The following PIKFYVE variants were observed in gnomAD, a reference collection of about 807,000 sequenced individuals.
The protein encoded by PIKFYVE is 1-phosphatidylinositol 3-phosphate 5-kinase.
In PIKFYVE, 122 loss-of-function variants were observed where a neutral mutation model predicts 257.9. The observed-to-expected ratio is 0.47, with a 90% CI of 0.41 to 0.55. The LOEUF (loss-of-function observed/expected upper bound fraction) is 0.55. Among genes scored for constraint, PIKFYVE ranks in the 20% least tolerant of loss-of-function variants. The pLI is 0.00. For synonymous variants in PIKFYVE, 892 were observed against 868.9 expected, an observed-to-expected ratio of 1.03 and a Z score of -0.47; for missense variants, 2,160 against 2,536.6, an observed-to-expected ratio of 0.85 and a Z score of 3.19.
chr2:208,291,304 A>T (rs560977955), intron 7 of PIKFYVE, among the ~76,000 whole-genome samples: 12 of 152,210 alleles, frequency 7.9e-5, no homozygotes, highest in Non-Finnish European at 4.4e-5. Flanking sequence ...ATATTAATTG[A>T]TTTTTGAATG....
chr2:208,346,216 C>T, intron 34 of PIKFYVE, 69 bp downstream of exon 34: 4 of 1,252,888 alleles, frequency 3.2e-6, no homozygotes, highest in South Asian at 2.5e-5. Context: ...AAAGAAAATA[C>T]ATAAAAACAA....
chr2:208,277,981 A>C (rs560779078), intron 5 of PIKFYVE, among the ~76,000 whole-genome samples: 2 of 152,226 alleles, frequency 1.3e-5, no homozygotes, highest in Non-Finnish European at 2.9e-5. Context: ...CAAGATCGTT[A>C]GAGTAGATTA....
intron 32 of PIKFYVE, among the ~76,000 whole-genome samples, chr2:208,344,675 G>GT (rs991690734): frequency 0.012 from 1,766 of 142,582 alleles, 32 homozygotes; most frequent in African/African-American, 0.039. Context: ...TAAGAGTCAG[G>GT]TTTTTTTTTT....
intron 20 of PIKFYVE, among the ~76,000 whole-genome samples, chr2:208,326,978 A>G (rs1282970881): frequency 6.6e-6 from 1 of 152,210 alleles, no homozygotes; most frequent in East Asian, 1.9e-4. Flanking sequence ...AATGGTAGCA[A>G]TAAAACTAAT....
At chr2:208,329,367 A>G (rs1398498476) in intron 21 of PIKFYVE, among the ~76,000 whole-genome samples, 1 of 152,176 alleles carries the variant, frequency 6.6e-6, no homozygotes, top group Non-Finnish European at 1.5e-5. Context: ...AGGCTTGAAT[A>G]AGATGTGGAT....
In PIKFYVE at chr2:208,326,295, A is replaced by G; in HGVS notation, c.3484A>G (p.Ile1162Val). The G allele has an allele frequency of 6.2e-7, 1 of 1,602,572 alleles. No individual in the cohort carries two copies. The highest frequency in any genetic ancestry group is 8.5e-7 in the Non-Finnish European group (1 of 1,173,950). Residue 1162 changes from isoleucine to valine, a missense_variant, in exon 20 of 42, where the codon ATT (isoleucine) becomes GTT (valine). Ile to Val is a conservative substitution (Grantham distance 29, BLOSUM62 3). Around this residue, in one of 12 missense-constraint regions of PIKFYVE, gnomAD observed 522 missense variants for 514.6 expected, o/e 1.01. Transcript: ENST00000264380. ...CGATTATCGAGCCAGAGGAGGAAGA[A>G]TTCAGCCCAAAAATTCAGACCCTTT... ...LADYRARGGR[I>V]QPKNSDPFAH...
chr2:208,267,949 T>G (rs552674714), intron 1 of PIKFYVE, among the ~76,000 whole-genome samples: 28 of 152,322 alleles, frequency 1.8e-4, no homozygotes, highest in African/African-American at 6.3e-4. Flanking sequence ...CGGCCTTTAC[T>G]GACTGGCTTC....
intron 5 of PIKFYVE, among the ~76,000 whole-genome samples, chr2:208,278,097 C>T (rs1030879): frequency 0.98 from 149,852 of 152,292 alleles, 73,764 homozygotes; most frequent in East Asian, 1. Flanking sequence ...ACTCAGATTC[C>T]TCCATAAGGA....
At chr2:208,339,889 A>T in intron 30 of PIKFYVE, 122 bp from the exon 31 acceptor site, 1 of 1,178,000 alleles carries the variant, frequency 8.5e-7, no homozygotes, top group Non-Finnish European at 1.2e-6. Flanking sequence ...CAGAAATTTT[A>T]AACTGTTATT....
chr2:208,267,671 T>C (rs1688835597), intron 1 of PIKFYVE, among the ~76,000 whole-genome samples: 2 of 151,702 alleles, frequency 1.3e-5, no homozygotes, highest in Admixed American at 1.3e-4. Context: ...CACACTCGGC[T>C]AATTTTTGTA....
chr2:208,332,921 T>C (rs1697713423), intron 23 of PIKFYVE, among the ~76,000 whole-genome samples: 2 of 152,108 alleles, frequency 1.3e-5, no homozygotes, highest in Non-Finnish European at 2.9e-5. Context: ...GCAGTCAGTA[T>C]ATATTACGTT....
chr2:208,268,189 G>A (rs1688921635), intron 1 of PIKFYVE, among the ~76,000 whole-genome samples: 1 of 152,102 alleles, frequency 6.6e-6, no homozygotes, highest in Non-Finnish European at 1.5e-5. Context: ...TTAACTATAT[G>A]ATTGGGTTTA....
At chr2:208,337,726 A>T (rs1559153366) in intron 28 of PIKFYVE, among the ~76,000 whole-genome samples, 1 of 148,186 alleles carries the variant, frequency 6.7e-6, no homozygotes, top group Non-Finnish European at 1.5e-5. Flanking sequence ...CTCTGCAAAA[A>T]TTTTTTTTTT....
intron 12 of PIKFYVE, among the ~76,000 whole-genome samples, chr2:208,311,031 C>G (rs919102668): frequency 1.3e-5 from 2 of 151,986 alleles, no homozygotes; most frequent in African/African-American, 4.8e-5. Flanking sequence ...TTTGAATGAT[C>G]GGGGGGAAGA....
chr2:208,347,862 A>G lies in PIKFYVE; in HGVS notation c.5213A>G (p.Lys1738Arg), dbSNP rs1164278210. The change falls in exon 35 of 42, where the codon AAA becomes AGA. Residue 1738 changes from lysine (K) to arginine (R), a missense_variant. Physicochemically the swap from Lys to Arg is conservative, Grantham distance 26 (BLOSUM62 2). Transcript: ENST00000264380. ...RTTETEPQPT[K>R]KASGMLSFFR... ...ATATGTTACTTCTTATTTTTAGCCA[A>G]AAAGGCTTCTGGAATGTTGTCCTTC... The G allele has an allele frequency of 1.2e-6, 2 of 1,612,418 alleles. No individual in the cohort carries two copies. The highest frequency in any genetic ancestry group is 1.7e-5 in the Admixed American group (1 of 59,784).
At position 208,298,629 on chromosome 2, in the gene PIKFYVE, T is replaced by A. The variant is rs1052893422; in HGVS notation, c.912-12T>A. The A allele has an allele frequency of 1.9e-6, 3 of 1,613,950 alleles. No homozygotes were observed. The Admixed American group carries it at 5.0e-5, about 27-fold the overall frequency. On this transcript the variant is annotated splice_polypyrimidine_tract_variant and intron_variant, in intron 7 of 41. Coordinates refer to ENST00000264380, the MANE Select transcript of PIKFYVE (RefSeq NM_015040.4). ...TTACACCTGTGATTTCACTTCTTGT[T>A]TTTATTTCCAGATCAGCCAGCATTA...
chr2:208,351,071 A>G, intron 37 of PIKFYVE, 124 bp downstream of exon 37: 3 of 1,299,222 alleles, frequency 2.3e-6, no homozygotes, highest in Non-Finnish European at 3.2e-6. Context: ...GTTTTAACAG[A>G]GGTGTTTATA....
intron 5 of PIKFYVE, among the ~76,000 whole-genome samples, chr2:208,285,347 G>A (rs905562919): frequency 6.6e-6 from 1 of 152,120 alleles, no homozygotes; most frequent in African/African-American, 2.4e-5. Context: ...CTGCCGCCTC[G>A]GCCTCCCAAA....
rs1039911102 is a variant in PIKFYVE, at chr2:208,273,736, A to G, written c.322+3A>G. ...CCAGCGGCGCTCTTCAGCATTAGGT[A>G]AAACAGTGTTCTTATTTCATTCCCT... On this transcript the variant is annotated splice_donor_region_variant and intron_variant, in intron 3 of 41. Coordinates refer to ENST00000264380, the MANE Select transcript of PIKFYVE (RefSeq NM_015040.4). 15 of 1,614,004 alleles carry G rather than the reference A, an allele frequency of 9.3e-6. No individual in the cohort carries two copies. The highest frequency in any genetic ancestry group is 1.3e-5 in the Non-Finnish European group (15 of 1,179,958).
Sources: gnomAD v4.1 joint callset for allele counts (sites outside exome capture counted in the v4.1 genomes callset) on GRCh38, gnomAD v4.1.1 for gene constraint, gnomAD v4.1.1 regional missense constraint, MANE v1.5 for transcripts, NCBI Gene and HGNC (gene_info 2026-07-23, HGNC 2026-07-21) for gene names.